Variants in WDR38 observed in about 807,000 individuals in gnomAD.
The protein encoded by WDR38 is WD repeat domain 38.
WDR38 carries 37 observed loss-of-function variants against 36.6 expected under a neutral mutation model. The ratio of observed to expected loss-of-function variants is 1.01; its 90% CI spans 0.78 to 1.33. The LOEUF (loss-of-function observed/expected upper bound fraction) is 1.33, where lower values mean the gene tolerates loss of function less well. Among genes scored for constraint, WDR38 ranks in the 40% most tolerant of loss-of-function variants. The pLI is 0.00. For missense variants in WDR38, 411 were observed against 414.6 expected (o/e 0.99, Z 0.07); for synonymous variants, 164 against 168.1 (o/e 0.98, Z 0.19).
Position 124,855,751 on chromosome 9 carries a change from G to A in WDR38, c.307+1G>A, listed in dbSNP as rs1019553961. 1.5e-5 allele frequency: 24 copies of A among 1,613,164 alleles called. No homozygotes were observed. The highest frequency in any genetic ancestry group is 2.7e-5 in the African/African-American group (2 of 74,938). ...GCGAAGTGTCTGCGGGTCCTGAAGGGTGAGTGAGCTGGGAGCCAAGCAGCC... is the reference window on the plus strand; with the variant it reads ...GCGAAGTGTCTGCGGGTCCTGAAGGATGAGTGAGCTGGGAGCCAAGCAGCC... On this transcript the variant is annotated splice_donor_variant, in intron 3 of 8. Transcript: ENST00000373574. LOFTEE classifies it high-confidence loss of function.
chr9:124,854,397 A>C, intron 2 of WDR38, 72 bp downstream of exon 2: 1 of 1,596,874 alleles, frequency 6.3e-7, no homozygotes, highest in Non-Finnish European at 8.5e-7. Flanking sequence ...GACTGCAGTG[A>C]CCTCCGATGA....
rs1004131146 is a variant in WDR38 at position 124,856,205 on chromosome 9, C to G, written c.406-35C>G. On this transcript the variant is annotated intron_variant, in intron 4 of 8. Transcript: ENST00000373574. Reference sequence around the variant, plus strand: ...TGTCAAGGCCAGGTAGCCGGCTGCCCTCTGCTGCCTTCTGCAGCTCAGGGC... The same window carrying G: ...TGTCAAGGCCAGGTAGCCGGCTGCCGTCTGCTGCCTTCTGCAGCTCAGGGC... 2.5e-6 allele frequency: 4 copies of G among 1,613,744 alleles called. No homozygotes were observed. In the African/African-American group the frequency reaches 5.3e-5, roughly 22 times the overall value.
At position 124,856,466 on chromosome 9, in the gene WDR38, C is replaced by G. The variant is rs1400523152; in HGVS notation, c.487-3C>G. ...GGGCCAGACTCACAGAAGCTGCCTGCAGGCCACCGGCTCCTGGGACTCCAC... is the reference window on the plus strand; with the variant it reads ...GGGCCAGACTCACAGAAGCTGCCTGGAGGCCACCGGCTCCTGGGACTCCAC... On this transcript the variant is annotated splice_polypyrimidine_tract_variant and splice_region_variant and intron_variant, in intron 5 of 8. Coordinates refer to ENST00000373574, the MANE Select transcript of WDR38 (RefSeq NM_001045476.3). 6.2e-7 allele frequency: 1 copy of G among 1,611,814 alleles called. No homozygotes were observed. Among genetic ancestry groups the G allele is most frequent in the Admixed American group, 1.7e-5 (1 of 59,790 alleles).
chr9:124,857,817 C>G lies in WDR38; in HGVS notation c.*187C>G. On this transcript the variant is annotated 3_prime_UTR_variant, in exon 9 of 9. Transcript: ENST00000373574. The stretch of plus-strand genomic sequence containing the variant: ...GACGCTTGCTGGAACCCATCAGACA[C>G]CTGGTCCCCAAAACCAGACCCACCC... 1 of 1,543,494 alleles carries G rather than the reference C, an allele frequency of 6.5e-7. No individual in the cohort carries two copies. Among genetic ancestry groups the G allele is most frequent in the Non-Finnish European group, 8.8e-7 (1 of 1,136,968 alleles).
chr9:124,856,972 A>C, intron 7 of WDR38, 91 bp downstream of exon 7: 1 of 1,565,950 alleles, frequency 6.4e-7, no homozygotes, highest in Non-Finnish European at 8.7e-7. Context: ...CCACATCCCC[A>C]CTTGCCCTAG....
chr9:124,855,986 C>G (rs761981442), intron 4 of WDR38, 28 bp downstream of exon 4: 15 of 1,613,368 alleles, frequency 9.3e-6, no homozygotes, highest in Non-Finnish European at 1.3e-5. Flanking sequence ...GGCCACCAGT[C>G]TGGGATTCAA....
intron 2 of WDR38, among the ~76,000 whole-genome samples, chr9:124,854,753 A>G (rs1829004007): frequency 6.6e-6 from 1 of 152,034 alleles, no homozygotes; most frequent in African/African-American, 2.4e-5. Context: ...TTTAGTAGAG[A>G]CGGGGTTTCA....
At chr9:124,854,114 C>G in intron 1 of WDR38, 91 bp from the exon 2 acceptor site, 2 of 1,574,380 alleles carry the variant, frequency 1.3e-6, no homozygotes, top group South Asian at 1.2e-5. Context: ...AAGCTCCAAC[C>G]CCAGGCTCTT....
chr9:124,857,612 C>G lies in WDR38; in HGVS notation c.927C>G (p.Pro309=). Residue 309 remains proline, a synonymous_variant, in exon 9 of 9, where the codon CCC becomes CCG. Coordinates refer to ENST00000373574, the MANE Select transcript of WDR38 (RefSeq NM_001045476.3). ...RRQISRTSKS[P]RDPQT is the part of the protein sequence containing the mutation. ...AAATATCCCGCACGTCCAAATCACC[C>G]AGGGACCCTCAAACCTAACACCAAC... 6.2e-7 allele frequency: 1 copy of G among 1,614,120 alleles called. No homozygotes were observed. The highest frequency in any genetic ancestry group is 8.5e-7 in the Non-Finnish European group (1 of 1,180,028).
In WDR38 at chr9:124,854,272, A is replaced by G. The variant is rs1235587911; in HGVS notation, c.137A>G (p.Tyr46Cys). 6.2e-7 allele frequency: 1 copy of G among 1,614,118 alleles called. No individual in the cohort carries two copies. ...ACAGGCTCAGAAGATGGCTGCGTGT[A>G]TGGCTGGGAGACCCGGAGTGGGCAG... ...LLTGSEDGCV[Y>C]GWETRSGQLL... Residue 46 changes from tyrosine to cysteine, a missense_variant, in exon 2 of 9, where the codon TAT becomes TGT. Transcript: ENST00000373574.
chr9:124,856,977 C>T, intron 7 of WDR38, 96 bp downstream of exon 7: 1 of 1,559,502 alleles, frequency 6.4e-7, no homozygotes, highest in Non-Finnish European at 8.7e-7. Flanking sequence ...TCCCCACTTG[C>T]CCTAGCTAGG....
rs752783950 is a variant in WDR38, at chr9:124,854,209, A to G, written c.74A>G (p.Asn25Ser). Residue 25 changes from asparagine (N) to serine (S), a missense_variant, in exon 2 of 9, where the codon AAC becomes AGC. Transcript: ENST00000373574. ...KFFGQHGGEV[N>S]SSAFSPDGQM... is the part of the protein sequence containing the mutation. ...CCGCTTTTGTGCTGTTTCTAGGTCA[A>G]CTCTTCTGCCTTCTCCCCTGATGGC... The G allele has an allele frequency of 6.2e-6, 10 of 1,613,596 alleles. No individual in the cohort carries two copies. In the Admixed American group the frequency reaches 1.3e-4, roughly 22 times the overall value.
At position 124,856,785 on chromosome 9, in the gene WDR38, C is replaced by G. The variant is rs755174706; in HGVS notation, c.672C>G (p.Ser224Arg). The change falls in exon 7 of 9, where the codon AGC (serine) becomes AGG (arginine). Residue 224 changes from serine (S) to arginine (R), a missense_variant. By Grantham distance (110) the Ser-to-Arg change is moderately radical. Transcript: ENST00000373574. ...TIHIWKPTTS[S>R]LLIQLKGHVT... Reference sequence around the variant, plus strand: ...ACATCTGGAAGCCCACAACCAGCAGCCTGCTTATCCAACTGAAGGGCCATG... The same window carrying G: ...ACATCTGGAAGCCCACAACCAGCAGGCTGCTTATCCAACTGAAGGGCCATG... 2 of 1,614,138 alleles carry G rather than the reference C, an allele frequency of 1.2e-6. No individual in the cohort carries two copies. Among genetic ancestry groups the G allele is most frequent in the Non-Finnish European group, 1.7e-6 (2 of 1,180,054 alleles).
Position 124,855,749 on chromosome 9 carries a change from G to A in WDR38, c.306G>A (p.Lys102=), listed in dbSNP as rs1420507635. ...VARAKCLRVL[K]GHQRSVETVS... is the part of the protein sequence containing the mutation. ...GAGCGAAGTGTCTGCGGGTCCTGAA[G>A]GGTGAGTGAGCTGGGAGCCAAGCAG... Residue 102 remains lysine (K), a splice_region_variant and synonymous_variant, in exon 3 of 9, where the codon AAG becomes AAA. Transcript: ENST00000373574. The A allele has an allele frequency of 1.2e-5, 19 of 1,613,296 alleles. No individual in the cohort carries two copies. The highest frequency in any genetic ancestry group is 1.5e-5 in the Non-Finnish European group (18 of 1,180,050).
In WDR38 at chr9:124,854,355, C is replaced by T. The variant is rs76227656; in HGVS notation, c.190+30C>T. 7,982 of 1,611,366 alleles carry T rather than the reference C, an allele frequency of 5.0e-3. 315 individuals are homozygous for T. The African/African-American group carries it at 0.088, about 18-fold the overall frequency. ...GGCTCCCACACCTGGCCGGGAAGAC[C>T]GAGGCACAAGGGTCTGGCATGCTGC... On this transcript the variant is annotated intron_variant, in intron 2 of 8. Coordinates refer to ENST00000373574, the MANE Select transcript of WDR38 (RefSeq NM_001045476.3).
In WDR38 at chr9:124,854,256, G is replaced by C. The variant is rs1434689958; in HGVS notation, c.121G>C (p.Glu41Gln). 1.5e-5 allele frequency: 25 copies of C among 1,614,060 alleles called. No homozygotes were observed. The African/African-American group carries it at 1.7e-4, about 11-fold the overall frequency. ...TGGCCAGATGCTGCTCACAGGCTCA[G>C]AAGATGGCTGCGTGTATGGCTGGGA... ...PDGQMLLTGS[E>Q]DGCVYGWETR... The change falls in exon 2 of 9, where the codon GAA (glutamate) becomes CAA (glutamine). Residue 41 changes from glutamate (E) to glutamine (Q), a missense_variant. Transcript: ENST00000373574.
Position 124,857,477 on chromosome 9 carries a change from G to A in WDR38, c.817-25G>A, listed in dbSNP as rs374170431. 1.1e-4 allele frequency: 179 copies of A among 1,614,084 alleles called. No homozygotes were observed. The African/African-American group carries it at 2.1e-3, about 19-fold the overall frequency. On this transcript the variant is annotated intron_variant, in intron 8 of 8. Coordinates refer to ENST00000373574, the MANE Select transcript of WDR38 (RefSeq NM_001045476.3). ...CTTCTCCCAAGGCAGGACTTGCCTC[G>A]AGCCCCACCTTCTACTCTTAGCAGG...
In WDR38 at chr9:124,857,657, C is replaced by T. The variant is rs771086359; in HGVS notation, c.*27C>T. 9.3e-6 allele frequency: 15 copies of T among 1,612,572 alleles called. No homozygotes were observed. The highest frequency in any genetic ancestry group is 3.3e-4 in the Middle Eastern group (2 of 6,076). On this transcript the variant is annotated 3_prime_UTR_variant, in exon 9 of 9. Coordinates refer to ENST00000373574, the MANE Select transcript of WDR38 (RefSeq NM_001045476.3). Reference sequence around the variant, plus strand: ...ACCAACCACCTTAGATGGTGCCGACCTCACCCGCTCCCCTCAGTGGCGCAC... The same window carrying T: ...ACCAACCACCTTAGATGGTGCCGACTTCACCCGCTCCCCTCAGTGGCGCAC...
Position 124,856,722 on chromosome 9 carries a change from T to C in WDR38, c.619-10T>C, listed in dbSNP as rs1297885950. ...CCAAACCCTGGGGATCAGAGCTGTCTGCTGTCCAGGCATCCGGCTCCTGGG... is the reference window on the plus strand; with the variant it reads ...CCAAACCCTGGGGATCAGAGCTGTCCGCTGTCCAGGCATCCGGCTCCTGGG... On this transcript the variant is annotated splice_polypyrimidine_tract_variant and intron_variant, in intron 6 of 8. Transcript: ENST00000373574. 4.3e-6 allele frequency: 7 copies of C among 1,613,840 alleles called. No homozygotes were observed. Among genetic ancestry groups the C allele is most frequent in the Non-Finnish European group, 5.9e-6 (7 of 1,179,950 alleles).
Sources: gnomAD v4.1 joint callset for allele counts (sites outside exome capture counted in the v4.1 genomes callset) on GRCh38, gnomAD v4.1.1 for gene constraint, MANE v1.5 for transcripts, NCBI Gene and HGNC (gene_info 2026-07-23, HGNC 2026-07-21) for gene names.